WNT7B: variants seen among roughly 807,000 people sequenced by gnomAD.
The protein encoded by WNT7B is Wnt family member 7B, also known as protein Wnt-7b.
Under a neutral mutation model 38.2 loss-of-function variants are expected in WNT7B, and 19 were observed. The ratio of observed to expected loss-of-function variants is 0.50; its 90% CI spans 0.35 to 0.73. The LOEUF is 0.73. Ranked by LOEUF, WNT7B falls within the 30% of genes least tolerant of loss-of-function variation. The pLI, the probability that WNT7B is intolerant of heterozygous loss-of-function variation, is 0.01. For synonymous variants in WNT7B, 243 were observed against 209.3 expected (o/e 1.16, Z -1.39); for missense variants, 423 against 507.9 (o/e 0.83, Z 1.61).
intron 1 of WNT7B, among the ~76,000 whole-genome samples, chr22:45,963,009 C>A (rs1329582777): frequency 6.6e-6 from 1 of 152,190 alleles, no homozygotes; most frequent in African/African-American, 2.4e-5. Context: ...GGTCTGGGGG[C>A]CGAGCCACCA....
intron 1 of WNT7B, among the ~76,000 whole-genome samples, chr22:45,963,875 C>T (rs1336929870): frequency 6.6e-6 from 1 of 152,198 alleles, no homozygotes; most frequent in East Asian, 1.9e-4. Context: ...TCACACCGCA[C>T]ACCCTGCCTG....
intron 2 of WNT7B, among the ~76,000 whole-genome samples, chr22:45,937,280 C>T (rs976298173): frequency 6.6e-6 from 1 of 152,248 alleles, no homozygotes; most frequent in Non-Finnish European, 1.5e-5. Flanking sequence ...GCCACACATG[C>T]TCCTGGAGCC....
At chr22:45,943,287 C>T (rs1306017844) in intron 2 of WNT7B, among the ~76,000 whole-genome samples, 1 of 152,246 alleles carries the variant, frequency 6.6e-6, no homozygotes, top group Non-Finnish European at 1.5e-5. Context: ...AAGCTCTTCC[C>T]TGCCGTTGTC....
In WNT7B at chr22:45,965,691, G is replaced by A. The variant is rs1932296147; in HGVS notation, c.71+10993C>T. On this transcript the variant is annotated intron_variant, in intron 1 of 3. Transcript: ENST00000339464. The surrounding 1 kb of genome is among the most constrained non-coding windows in gnomAD (Gnocchi z 6.5). ...TGGGTCAGGGGCGAAAGCAGGACAA[G>A]ACCCAGAACAGAAGGCCTCTGGGCT... 6.6e-6 allele frequency among the ~76,000 whole-genome samples: 1 copy of A among 152,192 alleles called. No individual in the cohort carries two copies. Among genetic ancestry groups the A allele is most frequent in the African/African-American group, 2.4e-5 (1 of 41,456 alleles).
rs147160283 is a variant in WNT7B, at chr22:45,971,120, C to T, written c.71+5564G>A. The stretch of plus-strand genomic sequence containing the variant: ...CGTCTTTATTAAATGGGGGTGGGGG[C>T]GAGGCGATGTATTAGGACTGCAACC... On this transcript the variant is annotated intron_variant, in intron 1 of 3. Transcript: ENST00000339464. 2.0e-5 allele frequency among the ~76,000 whole-genome samples: 3 copies of T among 146,822 alleles called. 1 individual carries two copies. In the East Asian group the frequency reaches 6.0e-4, roughly 29 times the overall value.
In WNT7B at chr22:45,932,861, CAGCACCCGCG is replaced by C. The variant is rs201140786; in HGVS notation, c.299-1502_299-1493del. ...TGCTGGCATGGTGCAGTCCCCTGCC[CAGCACCCGCG>C]AGCACCTGCACAGCCCTCAGTTGCC... On this transcript the variant is annotated intron_variant, in intron 2 of 3. Transcript: ENST00000339464. 4.7e-3 allele frequency among the ~76,000 whole-genome samples: 710 copies of C among 152,342 alleles called. 1 individual carries two copies. The highest frequency in any genetic ancestry group is 0.016 in the African/African-American group (665 of 41,580).
chr22:45,949,076 C>A (rs542092828), intron 2 of WNT7B, among the ~76,000 whole-genome samples: 12 of 151,582 alleles, frequency 7.9e-5, no homozygotes, highest in African/African-American at 2.7e-4. Flanking sequence ...GGTGATCCAC[C>A]CCCCTCGTCC....
At chr22:45,954,498 G>A (rs1301380170) in intron 1 of WNT7B, among the ~76,000 whole-genome samples, 1 of 152,202 alleles carries the variant, frequency 6.6e-6, no homozygotes, top group Non-Finnish European at 1.5e-5. Flanking sequence ...CCCAATTGAA[G>A]GGGATGCGAG....
chr22:45,964,422 C>G (rs192662592), intron 1 of WNT7B, among the ~76,000 whole-genome samples: 18 of 152,098 alleles, frequency 1.2e-4, no homozygotes, highest in Admixed American at 7.2e-4. Context: ...GCAGGCCAGC[C>G]CCCCCCAGGC....
rs994809173 is a variant in WNT7B at position 45,935,797 on chromosome 22, A to T, written c.299-4428T>A. 3.0e-6 allele frequency: 3 copies of T among 984,166 alleles called. No individual in the cohort carries two copies. The African/African-American group carries it at 5.2e-5, about 17-fold the overall frequency. The allele number at this position is 984,166 out of a possible 1,614,324, so 61.0% of individuals were successfully genotyped here. ...GGGAAAACCGAGCCTTCAAAGCAGG[A>T]AGGGATTTGCAATAGGCCCATGGCA... On this transcript the variant is annotated intron_variant, in intron 2 of 3. Coordinates refer to ENST00000339464, the MANE Select transcript of WNT7B (RefSeq NM_058238.3).
chr22:45,941,304 G>A lies in WNT7B; in HGVS notation c.298+8616C>T, dbSNP rs187647068. On this transcript the variant is annotated intron_variant, in intron 2 of 3. Coordinates refer to ENST00000339464, the MANE Select transcript of WNT7B (RefSeq NM_058238.3). ...GCGGGCGGATCACCTGAGATCAGGG[G>A]TTTGAGACCAGCCTGGCCAACATGG... Among the ~76,000 whole-genome samples the A allele has an allele frequency of 7.2e-5, 11 of 152,326 alleles. No individual in the cohort carries two copies. The East Asian group carries it at 1.7e-3, about 24-fold the overall frequency.
chr22:45,975,855 T>C lies in WNT7B; in HGVS notation c.71+829A>G. The C allele has an allele frequency of 3.7e-6, 1 of 269,438 alleles. No individual in the cohort carries two copies. The allele number at this position is 269,438 out of a possible 1,614,324, so 16.7% of individuals were successfully genotyped here. ...CACCCCCTCTCCGTCACGCCGTTTCTCCACCCCCACTTCGAGCGAAGCCGA... is the reference window on the plus strand; with the variant it reads ...CACCCCCTCTCCGTCACGCCGTTTCCCCACCCCCACTTCGAGCGAAGCCGA... On this transcript the variant is annotated intron_variant, in intron 1 of 3. Coordinates refer to ENST00000339464, the MANE Select transcript of WNT7B (RefSeq NM_058238.3). This position sits in a 1 kb window ranked among gnomAD's most constrained non-coding sequence, Gnocchi z 6.6.
rs368933414 is a variant in WNT7B at position 45,929,487 on chromosome 22, TCCACCCACCCAC to T, written c.570+1599_570+1610del. 1.5e-4 allele frequency among the ~76,000 whole-genome samples: 21 copies of T among 142,844 alleles called. 1 individual carries two copies. The highest frequency in any genetic ancestry group is 2.3e-4 in the Non-Finnish European group (15 of 65,808). 93.7% of individuals were successfully genotyped at this position (142,844 alleles called of 152,430 possible). A position where few individuals can be genotyped will look rare whatever the true frequency, so the allele number is the denominator to read the frequency against. On this transcript the variant is annotated intron_variant, in intron 3 of 3. Coordinates refer to ENST00000339464, the MANE Select transcript of WNT7B (RefSeq NM_058238.3). The stretch of plus-strand genomic sequence containing the variant: ...ATCTACTTATCCTTCCATCTGTACA[TCCACCCACCCAC>T]CCACCCACCAATACTTCCGTCCATC...
In WNT7B at chr22:45,975,684, C is replaced by T; in HGVS notation, c.71+1000G>A. 3.0e-6 allele frequency: 2 copies of T among 658,068 alleles called. No individual in the cohort carries two copies. The highest frequency in any genetic ancestry group is 3.4e-5 in the South Asian group (2 of 59,400). 40.8% of individuals were successfully genotyped at this position (658,068 alleles called of 1,614,324 possible). A position where few individuals can be genotyped will look rare whatever the true frequency, so the allele number is the denominator to read the frequency against. ...GCCCCTCCCGCGGGTCTGTTCACCG[C>T]CTTGCCTGTGGCCTGGACGGGGCTC... On this transcript the variant is annotated intron_variant, in intron 1 of 3. Transcript: ENST00000339464. The surrounding 1 kb of genome is among the most constrained non-coding windows in gnomAD (Gnocchi z 6.6).
In WNT7B at chr22:45,975,809, C is replaced by T; in HGVS notation, c.71+875G>A. 3.2e-6 allele frequency: 1 copy of T among 312,292 alleles called. No individual in the cohort carries two copies. Among genetic ancestry groups the T allele is most frequent in the Non-Finnish European group, 5.8e-6 (1 of 172,620 alleles). 19.3% of individuals were successfully genotyped at this position (312,292 alleles called of 1,614,324 possible). A position where few individuals can be genotyped will look rare whatever the true frequency, so the allele number is the denominator to read the frequency against. ...CGCGGGGCCAGCAGCGGGCGGTGGG[C>T]GCCCCAGGCGAGGTGCACCGCACCC... On this transcript the variant is annotated intron_variant, in intron 1 of 3. Coordinates refer to ENST00000339464, the MANE Select transcript of WNT7B (RefSeq NM_058238.3). This position sits in a 1 kb window ranked among gnomAD's most constrained non-coding sequence, Gnocchi z 6.6.
chr22:45,962,342 C>T (rs1043990641), intron 1 of WNT7B, among the ~76,000 whole-genome samples: 2 of 152,172 alleles, frequency 1.3e-5, no homozygotes, highest in Non-Finnish European at 2.9e-5. Context: ...CTGTGACCTC[C>T]CAAACCACAG....
rs959312561 is a variant in WNT7B, at chr22:45,928,430, G to A, written c.570+2668C>T. Among the ~76,000 whole-genome samples, 7 of 152,206 alleles carry A rather than the reference G, an allele frequency of 4.6e-5. No homozygotes were observed. In the South Asian group the frequency reaches 1.2e-3, roughly 27 times the overall value. ...GGGCAGTGAGGAGTTGGGGGACAAA[G>A]TGCATTGCACCCACTGTGCAGATGA... On this transcript the variant is annotated intron_variant, in intron 3 of 3. Coordinates refer to ENST00000339464, the MANE Select transcript of WNT7B (RefSeq NM_058238.3).
rs113363630 is a variant in WNT7B at position 45,922,689 on chromosome 22, C to T, written c.*167G>A. 88 of 1,117,056 alleles carry T rather than the reference C, an allele frequency of 7.9e-5. 1 individual carries two copies. In the African/African-American group the frequency reaches 9.8e-4, roughly 12 times the overall value. 69.2% of individuals were successfully genotyped at this position (1,117,056 alleles called of 1,614,324 possible). On this transcript the variant is annotated 3_prime_UTR_variant, in exon 4 of 4. Coordinates refer to ENST00000339464, the MANE Select transcript of WNT7B (RefSeq NM_058238.3). Reference sequence around the variant, plus strand: ...GTGGCAGGAAGGAGCCCCAGGGAGGCGGGCAGAGGGCGTGGGCCCCGGCCG... The same window carrying T: ...GTGGCAGGAAGGAGCCCCAGGGAGGTGGGCAGAGGGCGTGGGCCCCGGCCG...
intron 3 of WNT7B, chr22:45,927,223 A>G: frequency 1.0e-6 from 1 of 985,422 alleles, no homozygotes; most frequent in Non-Finnish European, 1.2e-6. Flanking sequence ...CTGGGCACTC[A>G]GGTCTCCAAA....
Sources: allele counts gnomAD v4.1 joint callset (sites outside exome capture counted in the v4.1 genomes callset), GRCh38; gene constraint gnomAD v4.1.1; non-coding constraint Gnocchi (gnomAD v3.1); transcripts MANE v1.5; gene names NCBI Gene and HGNC (gene_info 2026-07-23, HGNC 2026-07-21).